Variants in THSD4 observed in about 807,000 individuals in gnomAD.
THSD4 encodes thrombospondin type 1 domain containing 4.
A neutral mutation model predicts 119.0 loss-of-function variants in THSD4; 69 were observed. That is an observed-to-expected ratio of 0.58 (90% confidence interval 0.48 to 0.71). The LOEUF (loss-of-function observed/expected upper bound fraction) is 0.71. THSD4 is among the 30% of genes least tolerant of loss of function. THSD4 has a pLI of 0.00. For synonymous variants in THSD4, 524 were observed against 540.4 expected (o/e 0.97, Z 0.42); for missense variants, 1,393 against 1,391.1 (o/e 1.00, Z -0.02).
In THSD4 at chr15:71,242,532, G is replaced by T. The variant is rs770181720; in HGVS notation, c.465-117G>T. ...CCCCCTGCTTCCCAGTTCTACCATA[G>T]ACCCTTTCCCAAGCTTCCGTTCCTA... On this transcript the variant is annotated intron_variant, in intron 4 of 17. Coordinates refer to ENST00000261862, the MANE Select transcript of THSD4 (RefSeq NM_024817.3). 638 of 1,098,978 alleles carry T rather than the reference G, an allele frequency of 5.8e-4. 1 individual carries two copies. Among genetic ancestry groups the T allele is most frequent in the Non-Finnish European group, 8.0e-4 (601 of 753,940 alleles). 68.1% of individuals were successfully genotyped at this position (1,098,978 alleles called of 1,614,324 possible).
At chr15:71,481,562 C>T (rs1413050850) in intron 7 of THSD4, among the ~76,000 whole-genome samples, 2 of 152,098 alleles carry the variant, frequency 1.3e-5, no homozygotes, top group African/African-American at 4.8e-5. Context: ...AAGAGAAGAC[C>T]TTCTTTCTCA....
In THSD4 at chr15:71,737,833, C is replaced by T; in HGVS notation, c.1732C>T (p.Pro578Ser). Reference sequence around the variant, plus strand: ...GAAGGAAGACTTGCGTGGGGAGGCCCCTGAGATGTTCACCTCAGAATCGGC... The same window carrying T: ...GAAGGAAGACTTGCGTGGGGAGGCCTCTGAGATGTTCACCTCAGAATCGGC... ...EEKEDLRGEA[P>S]EMFTSESAQT... Residue 578 changes from proline (P) to serine (S), a missense_variant, in exon 11 of 18, where the codon CCT becomes TCT. Pro to Ser is a moderately conservative substitution (Grantham distance 74). Coordinates refer to ENST00000261862, the MANE Select transcript of THSD4 (RefSeq NM_024817.3). 2.5e-6 allele frequency: 4 copies of T among 1,614,232 alleles called. No homozygotes were observed. The highest frequency in any genetic ancestry group is 1.3e-5 in the African/African-American group (1 of 75,060).
chr15:71,682,920 C>CCTTTTTT (rs1491520473), intron 8 of THSD4, among the ~76,000 whole-genome samples: 1 of 53,522 alleles, frequency 1.9e-5, no homozygotes, highest in African/African-American at 6.2e-5. Flanking sequence ...TCTTCTTCTT[C>CCTTTTTT]TTTTTTTTTT....
intron 7 of THSD4, among the ~76,000 whole-genome samples, chr15:71,478,875 A>G (rs1013689936): frequency 2.0e-5 from 3 of 152,192 alleles, no homozygotes; most frequent in African/African-American, 4.8e-5. Context: ...CCATTAGAAA[A>G]GGGACTGTTT....
intron 5 of THSD4, among the ~76,000 whole-genome samples, chr15:71,251,398 T>C (rs1360624809): frequency 6.6e-6 from 1 of 152,128 alleles, no homozygotes; most frequent in Admixed American, 6.6e-5. Context: ...CACTTAAAAA[T>C]CCCCATAAAA....
intron 7 of THSD4, among the ~76,000 whole-genome samples, chr15:71,534,010 C>T (rs998796770): frequency 3.3e-5 from 5 of 152,212 alleles, no homozygotes; most frequent in Non-Finnish European, 5.9e-5. Flanking sequence ...CTTTCAGAGA[C>T]AGGGTCTTGG....
At chr15:71,194,658 C>G (rs759242640) in intron 3 of THSD4, among the ~76,000 whole-genome samples, 3 of 152,196 alleles carry the variant, frequency 2.0e-5, no homozygotes, top group Non-Finnish European at 2.9e-5. Context: ...CATTTAGATC[C>G]TACCAGTCCC....
rs568725239 is a variant in THSD4 at position 71,375,167 on chromosome 15, G to C, written c.1016-36520G>C. On this transcript the variant is annotated intron_variant, in intron 6 of 17. Transcript: ENST00000261862. Reference sequence around the variant, plus strand: ...TCTGCCAGGGACCGAGCACCACGAGGATTGTGTACACTAAAGATGATCTTT... The same window carrying C: ...TCTGCCAGGGACCGAGCACCACGAGCATTGTGTACACTAAAGATGATCTTT... Among the ~76,000 whole-genome samples the C allele has an allele frequency of 8.9e-4, 136 of 152,312 alleles. 4 individuals are homozygous for C. In the South Asian group the frequency reaches 0.027, roughly 30 times the overall value.
intron 6 of THSD4, among the ~76,000 whole-genome samples, chr15:71,316,723 G>T (rs1171125459): frequency 6.6e-6 from 1 of 152,268 alleles, no homozygotes; most frequent in Non-Finnish European, 1.5e-5. Context: ...CCTGGGAAAG[G>T]CTGGGCCCCC....
intron 7 of THSD4, among the ~76,000 whole-genome samples, chr15:71,641,423 TAAC>T (rs1156789915): frequency 6.6e-6 from 1 of 151,988 alleles, no homozygotes; most frequent in South Asian, 2.1e-4. Context: ...ACACCATTGT[TAAC>T]AACAATCACT....
At chr15:71,724,190 C>G (rs2052776973) in intron 8 of THSD4, among the ~76,000 whole-genome samples, 1 of 146,396 alleles carries the variant, frequency 6.8e-6, no homozygotes, top group Non-Finnish European at 1.5e-5. Context: ...GGCGCAGGAG[C>G]AGAGCACAGA....
Position 71,537,277 on chromosome 15 carries a change from A to G in THSD4, c.1153-123253A>G, listed in dbSNP as rs200901803. On this transcript the variant is annotated intron_variant, in intron 7 of 17. Transcript: ENST00000261862. ...CTTGCCTCCCTCTAATCCCTTCGCC[A>G]TACAACAGAAGTAGCCTTTGCAAAA... 3.0e-4 allele frequency among the ~76,000 whole-genome samples: 46 copies of G among 152,268 alleles called. 1 individual carries two copies. The highest frequency in any genetic ancestry group is 2.5e-3 in the Admixed American group (38 of 15,288).
At chr15:71,154,053 T>C (rs2141382745) in intron 2 of THSD4, among the ~76,000 whole-genome samples, 1 of 152,304 alleles carries the variant, frequency 6.6e-6, no homozygotes, top group Non-Finnish European at 1.5e-5. Flanking sequence ...CCTCACCTTC[T>C]TAACTTACTA....
chr15:71,504,307 G>C (rs997760299), intron 7 of THSD4, among the ~76,000 whole-genome samples: 2 of 152,172 alleles, frequency 1.3e-5, no homozygotes, highest in Non-Finnish European at 2.9e-5. Context: ...ATGAGGGAAT[G>C]AATGAATGTG....
intron 3 of THSD4, among the ~76,000 whole-genome samples, chr15:71,201,752 G>C (rs1404451937): frequency 6.6e-6 from 1 of 152,188 alleles, no homozygotes; most frequent in Non-Finnish European, 1.5e-5. Flanking sequence ...GGGATTCTTG[G>C]CTCGGAGCCA....
intron 6 of THSD4, among the ~76,000 whole-genome samples, chr15:71,297,086 AT>A (rs1228146207): frequency 3.9e-5 from 6 of 152,028 alleles, no homozygotes; most frequent in Admixed American, 6.6e-5. Context: ...ATGAGGTGAA[AT>A]TCACATAGCA....
At chr15:71,348,235 A>C (rs2045693987) in intron 6 of THSD4, 1 of 152,224 alleles carries the variant, frequency 6.6e-6, no homozygotes, top group South Asian at 2.1e-4. Context: ...CCTCCAGACC[A>C]GTGCTTTTCA....
chr15:71,551,129 G>C (rs1481281129), intron 7 of THSD4, among the ~76,000 whole-genome samples: 1 of 152,184 alleles, frequency 6.6e-6, no homozygotes, highest in Non-Finnish European at 1.5e-5. Flanking sequence ...GAATGAGGTA[G>C]CTCTAGATGT....
At chr15:71,352,311 CT>C (rs2045753522) in intron 6 of THSD4, among the ~76,000 whole-genome samples, 1 of 152,222 alleles carries the variant, frequency 6.6e-6, no homozygotes, top group South Asian at 2.1e-4. Flanking sequence ...ACAAAGCAAA[CT>C]TCTGGCTGAA....
Sources: allele counts gnomAD v4.1 joint callset (sites outside exome capture counted in the v4.1 genomes callset), GRCh38; gene constraint gnomAD v4.1.1; transcripts MANE v1.5; gene names NCBI Gene and HGNC (gene_info 2026-07-23, HGNC 2026-07-21).